STRADB: variants seen among roughly 807,000 people sequenced by gnomAD.
The protein encoded by STRADB is STE20 related adaptor beta, also known as STE20-related kinase adapter protein beta.
STRADB carries 34 observed loss-of-function variants against 52.1 expected under a neutral mutation model. That is an observed-to-expected ratio of 0.65 (90% CI 0.50 to 0.87). The LOEUF (loss-of-function observed/expected upper bound fraction) is 0.87, where lower values mean the gene tolerates loss of function less well. Among genes scored for constraint, STRADB ranks in the 40% least tolerant of loss-of-function variants. The pLI is 0.00. For synonymous variants in STRADB, 133 were observed against 174.5 expected, an observed-to-expected ratio of 0.76 and a Z score of 1.87; for missense variants, 340 against 483.9, an observed-to-expected ratio of 0.70 and a Z score of 2.79.
intron 11 of STRADB, among the ~76,000 whole-genome samples, chr2:201,479,793 G>A (rs547790097): frequency 3.3e-5 from 5 of 152,228 alleles, no homozygotes; most frequent in African/African-American, 9.6e-5. Flanking sequence ...GATTAATTTA[G>A]AGACATTTTC....
chr2:201,454,476 T>C (rs1246181557), intron 1 of STRADB, among the ~76,000 whole-genome samples: 2 of 152,172 alleles, frequency 1.3e-5, no homozygotes. Context: ...GAAGGAGAAA[T>C]GCAAACATAT....
rs1475961033 is a variant in STRADB, at chr2:201,478,210, C to T, written c.825+19C>T. 3.7e-6 allele frequency: 6 copies of T among 1,602,894 alleles called. No individual in the cohort carries two copies. The highest frequency in any genetic ancestry group is 4.3e-6 in the Non-Finnish European group (5 of 1,175,166). On this transcript the variant is annotated intron_variant, in intron 9 of 11. Coordinates refer to ENST00000194530, the MANE Select transcript of STRADB (RefSeq NM_018571.6). Reference sequence around the variant, plus strand: ...AACTCAGGTAAGTGCTGCTAAAATCCCTGAGCTACTTGCCTTTCATAAGAC... The same window carrying T: ...AACTCAGGTAAGTGCTGCTAAAATCTCTGAGCTACTTGCCTTTCATAAGAC...
chr2:201,480,013 T>C lies in STRADB; in HGVS notation c.1114-19T>C. 6.2e-7 allele frequency: 1 copy of C among 1,613,692 alleles called. No individual in the cohort carries two copies. The highest frequency in any genetic ancestry group is 1.1e-5 in the South Asian group (1 of 91,058). ...TTGAAATGATATATCAACAGCCTTA[T>C]TTTGAGTTTCTTTAACAGATGAAAG... On this transcript the variant is annotated intron_variant, in intron 11 of 11. Transcript: ENST00000194530.
chr2:201,459,662 A>G (rs910590069), intron 3 of STRADB, among the ~76,000 whole-genome samples: 5 of 152,110 alleles, frequency 3.3e-5, no homozygotes, highest in African/African-American at 7.2e-5. Flanking sequence ...AGACACACAC[A>G]TAGTCTTCTC....
In STRADB at chr2:201,473,022, T is replaced by G. The variant is rs1271016314; in HGVS notation, c.261T>G (p.Thr87=). 6.2e-7 allele frequency: 1 copy of G among 1,612,766 alleles called. No individual in the cohort carries two copies. Among genetic ancestry groups the G allele is most frequent in the Non-Finnish European group, 8.5e-7 (1 of 1,179,676 alleles). The change falls in exon 5 of 12, where the codon ACT becomes ACG. Residue 87 remains threonine (T), a synonymous_variant. Transcript: ENST00000194530. ...ARHTPTGTLV[T]IKITNLENCN... ...ATACTCCCACAGGAACACTGGTAAC[T>G]ATAAAAATTACAAATCTGGAAAACT...
chr2:201,471,730 T>G (rs189667698), intron 4 of STRADB, among the ~76,000 whole-genome samples: 1 of 152,340 alleles, frequency 6.6e-6, no homozygotes, highest in Admixed American at 6.5e-5. Flanking sequence ...AAGTGTCATC[T>G]TCATTACCTG....
At position 201,474,014 on chromosome 2, in the gene STRADB, CCG is replaced by C. The variant is rs1229732595; in HGVS notation, c.316-632_316-631del. 3.9e-5 allele frequency among the ~76,000 whole-genome samples: 6 copies of C among 151,982 alleles called. No individual in the cohort carries two copies. The South Asian group carries it at 1.2e-3, about 32-fold the overall frequency. Reference sequence around the variant, plus strand: ...CACGCCATTCTCCTGCCCCAGCCTCCCGAGTAGCTGGGACTACAGGCGCCCAC... The same window carrying C: ...CACGCCATTCTCCTGCCCCAGCCTCCAGTAGCTGGGACTACAGGCGCCCAC... On this transcript the variant is annotated intron_variant, in intron 5 of 11. Coordinates refer to ENST00000194530, the MANE Select transcript of STRADB (RefSeq NM_018571.6).
chr2:201,478,021 C>G, intron 8 of STRADB, 66 bp from the exon 9 acceptor site: 1 of 1,389,836 alleles, frequency 7.2e-7, no homozygotes, highest in Middle Eastern at 2.2e-4. Flanking sequence ...ATCAAAAAAG[C>G]ACATGTGTAT....
chr2:201,466,055 T>C (rs528626713), intron 3 of STRADB, among the ~76,000 whole-genome samples: 199 of 152,336 alleles, frequency 1.3e-3, no homozygotes, highest in Non-Finnish European at 2.7e-3. Flanking sequence ...TATTTTTTAT[T>C]CTTACAAAGG....
intron 11 of STRADB, 125 bp downstream of exon 11, chr2:201,479,656 A>C (rs1342162201): frequency 3.0e-6 from 3 of 994,338 alleles, no homozygotes; most frequent in Non-Finnish European, 4.4e-6. Flanking sequence ...TTACAAAATA[A>C]AGTTAAAAAC....
intron 5 of STRADB, among the ~76,000 whole-genome samples, chr2:201,474,137 G>T (rs555108715): frequency 1.3e-5 from 2 of 152,148 alleles, no homozygotes; most frequent in African/African-American, 4.8e-5. Context: ...TGATCTGCCT[G>T]CCTCGGCCTC....
intron 3 of STRADB, among the ~76,000 whole-genome samples, chr2:201,468,133 C>T (rs532141133): frequency 8.4e-6 from 1 of 119,126 alleles, no homozygotes; most frequent in Admixed American, 9.6e-5. Flanking sequence ...CCCAACAATG[C>T]ATGATCCATA....
intron 1 of STRADB, among the ~76,000 whole-genome samples, chr2:201,452,226 C>A (rs987786182): frequency 7.9e-5 from 12 of 151,948 alleles, no homozygotes; most frequent in African/African-American, 2.7e-4. Flanking sequence ...GCCAGGTGCG[C>A]GGGGCCCAGG....
At chr2:201,457,953 G>C (rs956665695) in intron 2 of STRADB, among the ~76,000 whole-genome samples, 3 of 152,104 alleles carry the variant, frequency 2.0e-5, no homozygotes, top group Non-Finnish European at 4.4e-5. Flanking sequence ...GAACCCAGGA[G>C]GCAGAGGTTG....
intron 2 of STRADB, among the ~76,000 whole-genome samples, chr2:201,455,217 TA>T (rs1952109959): frequency 6.6e-6 from 1 of 152,130 alleles, no homozygotes; most frequent in Non-Finnish European, 1.5e-5. Flanking sequence ...CAAACAGTAT[TA>T]AAAATAACCC....
chr2:201,461,939 A>G (rs940867195), intron 3 of STRADB, among the ~76,000 whole-genome samples: 2 of 152,204 alleles, frequency 1.3e-5, no homozygotes, highest in African/African-American at 2.4e-5. Flanking sequence ...TGAAGAGACT[A>G]TCCTTTCCCC....
At chr2:201,457,211 C>T (rs895638217) in intron 2 of STRADB, among the ~76,000 whole-genome samples, 2 of 152,180 alleles carry the variant, frequency 1.3e-5, no homozygotes, top group Admixed American at 6.5e-5. Flanking sequence ...TCTTCTTTTG[C>T]ACAGTGGTAT....
Position 201,458,866 on chromosome 2 carries a change from T to A in STRADB, c.93+2T>A. On this transcript the variant is annotated splice_donor_variant, in intron 3 of 11. Transcript: ENST00000194530. LOFTEE classifies it high-confidence loss of function. Reference sequence around the variant, plus strand: ...GAAACCAGTATCCATCAATACTTGGTAAGAAAATGGTTAGGCTGGATGCAG... The same window carrying A: ...GAAACCAGTATCCATCAATACTTGGAAAGAAAATGGTTAGGCTGGATGCAG... 5 of 1,612,768 alleles carry A rather than the reference T, an allele frequency of 3.1e-6. No individual in the cohort carries two copies. The highest frequency in any genetic ancestry group is 4.2e-6 in the Non-Finnish European group (5 of 1,179,260).
At chr2:201,477,990 C>A in intron 8 of STRADB, 97 bp from the exon 9 acceptor site, 1 of 1,232,280 alleles carries the variant, frequency 8.1e-7, no homozygotes, top group Non-Finnish European at 1.1e-6. Context: ...GTTTCTTTTC[C>A]ATTATTGTTC....
Sources: gnomAD v4.1 joint callset for allele counts (sites outside exome capture counted in the v4.1 genomes callset) on GRCh38, gnomAD v4.1.1 for gene constraint, MANE v1.5 for transcripts, NCBI Gene and HGNC (gene_info 2026-07-23, HGNC 2026-07-21) for gene names.